The following CTNNA2 variants were observed in gnomAD, a reference collection of about 807,000 sequenced individuals.
CTNNA2 encodes catenin alpha-2.
CTNNA2 carries 42 observed loss-of-function variants against 101.0 expected under a neutral mutation model. The observed-to-expected ratio is 0.42, with a 90% confidence interval of 0.32 to 0.54. The LOEUF (loss-of-function observed/expected upper bound fraction) is 0.54. Ranked by LOEUF, CTNNA2 falls within the 20% of genes least tolerant of loss-of-function variation. CTNNA2 has a pLI of 0.14. For synonymous variants in CTNNA2, 450 were observed against 456.4 expected (o/e 0.99, Z 0.18); for missense variants, 871 against 1,223.1 (o/e 0.71, Z 4.29).
intron 7 of CTNNA2, among the ~76,000 whole-genome samples, chr2:80,326,641 A>C (rs772553861): frequency 1.8e-4 from 28 of 152,084 alleles, no homozygotes; most frequent in Admixed American, 3.9e-4. Context: ...CAATAGTTCT[A>C]ATTTTTTTTT....
At chr2:80,452,995 TAGCTGGGGTTGAACCTGAC>T in intron 9 of CTNNA2, among the ~76,000 whole-genome samples, 1 of 152,168 alleles carries the variant, frequency 6.6e-6, no homozygotes, top group African/African-American at 2.4e-5. Flanking sequence ...AGGCCAGGTA[TAGCTGGGGTTGAACCTGAC>T]AGCCTGGGAC....
chr2:80,077,266 A>G (rs1698818447), intron 7 of CTNNA2, among the ~76,000 whole-genome samples: 1 of 152,248 alleles, frequency 6.6e-6, no homozygotes, highest in Non-Finnish European at 1.5e-5. Flanking sequence ...AAGAAAGTAA[A>G]TAACACTTTA....
At chr2:79,885,858 G>A (rs1458112177) in intron 6 of CTNNA2, among the ~76,000 whole-genome samples, 2 of 152,182 alleles carry the variant, frequency 1.3e-5, no homozygotes, top group African/African-American at 4.8e-5. Flanking sequence ...TTGGATTCAG[G>A]TATTGGCTAC....
At chr2:80,015,267 T>C (rs932409550) in intron 7 of CTNNA2, among the ~76,000 whole-genome samples, 1 of 152,176 alleles carries the variant, frequency 6.6e-6, no homozygotes, top group Non-Finnish European at 1.5e-5. Flanking sequence ...TCTTTTGGCC[T>C]GCTTGTGTAC....
At chr2:80,443,783 G>A (rs1047638377) in intron 9 of CTNNA2, among the ~76,000 whole-genome samples, 2 of 152,142 alleles carry the variant, frequency 1.3e-5, no homozygotes, top group African/African-American at 2.4e-5. Context: ...TTATATTTAC[G>A]ACACATTAAG....
At chr2:80,608,573 G>T in intron 17 of CTNNA2, 1 of 299,746 alleles carries the variant, frequency 3.3e-6, no homozygotes. Flanking sequence ...TTTGTAGTCT[G>T]GAAACTCATT....
intron 4 of CTNNA2, among the ~76,000 whole-genome samples, chr2:79,418,193 G>A (rs1678503775): frequency 6.6e-6 from 1 of 152,032 alleles, no homozygotes; most frequent in African/African-American, 2.4e-5. Context: ...GCCGATCTTG[G>A]GTTCTACAAT....
At chr2:79,788,007 C>T (rs1674980713) in intron 3 of CTNNA2, among the ~76,000 whole-genome samples, 1 of 152,132 alleles carries the variant, frequency 6.6e-6, no homozygotes, top group Admixed American at 6.6e-5. Flanking sequence ...ATCTCACTCA[C>T]TTAGATGAAT....
chr2:80,336,338 C>T (rs1003662325), intron 7 of CTNNA2, among the ~76,000 whole-genome samples: 4 of 152,114 alleles, frequency 2.6e-5, no homozygotes, highest in South Asian at 2.1e-4. Flanking sequence ...AGTACCCTCA[C>T]ACTGGGGATT....
chr2:79,712,300 T>A (rs1685789977), intron 2 of CTNNA2, among the ~76,000 whole-genome samples: 1 of 152,224 alleles, frequency 6.6e-6, no homozygotes, highest in African/African-American at 2.4e-5. Context: ...AAAAACCCTT[T>A]GCTTCCTTGG....
chr2:80,080,964 A>AG (rs1330367424), intron 7 of CTNNA2, among the ~76,000 whole-genome samples: 1 of 150,184 alleles, frequency 6.7e-6, no homozygotes, highest in African/African-American at 2.4e-5. Flanking sequence ...AAAAAAAAAA[A>AG]AAAAAAAAGA....
chr2:80,300,620 C>G (rs1236177030), intron 7 of CTNNA2, among the ~76,000 whole-genome samples: 1 of 151,750 alleles, frequency 6.6e-6, no homozygotes, highest in Non-Finnish European at 1.5e-5. Context: ...TTGGACTTCT[C>G]TCTCTCAAAA....
At chr2:79,364,532 C>T (rs921563382) in intron 3 of CTNNA2, among the ~76,000 whole-genome samples, 1 of 152,136 alleles carries the variant, frequency 6.6e-6, no homozygotes, top group East Asian at 1.9e-4. Context: ...ATTCTCTTCA[C>T]CTTTGACGAG....
intron 2 of CTNNA2, among the ~76,000 whole-genome samples, chr2:79,291,946 T>C (rs1162862619): frequency 2.0e-5 from 3 of 151,768 alleles, no homozygotes; most frequent in Non-Finnish European, 4.4e-5. Flanking sequence ...AGTAACGGGA[T>C]TGAGGGGGAT....
At chr2:80,217,049 C>T (rs1270757309) in intron 7 of CTNNA2, among the ~76,000 whole-genome samples, 2 of 152,016 alleles carry the variant, frequency 1.3e-5, no homozygotes, top group Non-Finnish European at 2.9e-5. Flanking sequence ...CCAGGCTGGT[C>T]TTGATCTCCT....
intron 3 of CTNNA2, among the ~76,000 whole-genome samples, chr2:79,775,226 C>T (rs915008122): frequency 6.6e-6 from 1 of 152,114 alleles, no homozygotes; most frequent in Non-Finnish European, 1.5e-5. Flanking sequence ...AAAAATTCTG[C>T]AGTTTTGTGG....
At chr2:80,077,008 T>C (rs1698801307) in intron 7 of CTNNA2, among the ~76,000 whole-genome samples, 1 of 152,106 alleles carries the variant, frequency 6.6e-6, no homozygotes. Context: ...ATCACGCCAC[T>C]GTACTCCAGT....
At chr2:79,511,284 G>A (rs960106382), upstream of CTNNA2, among the ~76,000 whole-genome samples, 3 of 152,038 alleles carry the variant, frequency 2.0e-5, no homozygotes, top group South Asian at 2.1e-4. Context: ...CCACATCAGG[G>A]ACTTGTGATG....
intron 2 of CTNNA2, among the ~76,000 whole-genome samples, chr2:79,295,710 G>A (rs909520570): frequency 1.3e-5 from 2 of 151,942 alleles, no homozygotes; most frequent in Non-Finnish European, 2.9e-5. Context: ...TTTGTGCCTT[G>A]AGAATATCAA....
Sources: allele counts gnomAD v4.1 joint callset (sites outside exome capture counted in the v4.1 genomes callset), GRCh38; gene constraint gnomAD v4.1.1; transcripts MANE v1.5; gene names NCBI Gene and HGNC (gene_info 2026-07-23, HGNC 2026-07-21).